TMEM232: variants seen among roughly 807,000 people sequenced by gnomAD.
The protein encoded by TMEM232 is transmembrane protein 232.
A neutral mutation model predicts 78.8 loss-of-function variants in TMEM232; 80 were observed. The ratio of observed to expected loss-of-function variants is 1.01; its 90% CI spans 0.85 to 1.22. TMEM232 has a LOEUF of 1.22. TMEM232 is among the 50% of genes most tolerant of loss of function. The pLI is 0.00. For missense variants in TMEM232, 881 were observed against 742.2 expected (o/e 1.19, Z -2.17); for synonymous variants, 297 against 254.3 (o/e 1.17, Z -1.60).
At chr5:110,650,555 C>T (rs1476285583) in intron 2 of TMEM232, among the ~76,000 whole-genome samples, 1 of 152,134 alleles carries the variant, frequency 6.6e-6, no homozygotes, top group Non-Finnish European at 1.5e-5. Context: ...AACCTCAGGT[C>T]TCTCTCACAG....
chr5:110,527,582 T>C (rs907411969), intron 12 of TMEM232, among the ~76,000 whole-genome samples: 8 of 151,894 alleles, frequency 5.3e-5, no homozygotes, highest in Non-Finnish European at 2.9e-5. Context: ...TTACATTAGG[T>C]TGTAAAAAGA....
At chr5:110,695,893 T>C (rs1017149226) in intron 1 of TMEM232, among the ~76,000 whole-genome samples, 4 of 152,158 alleles carry the variant, frequency 2.6e-5, no homozygotes, top group African/African-American at 9.7e-5. Flanking sequence ...GCTGGTACCA[T>C]TCCTTCTGAA....
chr5:110,448,643 C>T (rs184046169), intron 12 of TMEM232, among the ~76,000 whole-genome samples: 38 of 151,650 alleles, frequency 2.5e-4, no homozygotes, highest in Middle Eastern at 3.4e-3. Flanking sequence ...TTTTAAAATA[C>T]GAGAAGATGA....
intron 7 of TMEM232, among the ~76,000 whole-genome samples, chr5:110,624,361 G>A (rs1339089740): frequency 2.0e-5 from 3 of 151,860 alleles, no homozygotes; most frequent in Non-Finnish European, 2.9e-5. Flanking sequence ...GACTGATGAT[G>A]GTGATGATGA....
intron 10 of TMEM232, among the ~76,000 whole-genome samples, chr5:110,586,540 T>C (rs945072298): frequency 2.0e-5 from 3 of 151,634 alleles, no homozygotes; most frequent in East Asian, 1.9e-4. Context: ...AATATCAGCA[T>C]AGAAGGCATA....
chr5:110,703,891 T>C (rs913627216), intron 1 of TMEM232, among the ~76,000 whole-genome samples: 6 of 152,078 alleles, frequency 3.9e-5, no homozygotes, highest in African/African-American at 1.2e-4. Flanking sequence ...CTTTTCAAAT[T>C]ACTCGGCCCA....
chr5:110,635,555 A>C (rs957906284), intron 5 of TMEM232, among the ~76,000 whole-genome samples: 2 of 152,204 alleles, frequency 1.3e-5, no homozygotes, highest in East Asian at 1.9e-4. Context: ...AACATGATAA[A>C]TCACAACAGA....
At chr5:110,699,845 C>A (rs1302070182) in intron 1 of TMEM232, among the ~76,000 whole-genome samples, 1 of 151,998 alleles carries the variant, frequency 6.6e-6, no homozygotes, top group East Asian at 1.9e-4. Flanking sequence ...AAGTGGGGAA[C>A]CTTCAATAAC....
chr5:110,558,405 G>C (rs746983230), intron 11 of TMEM232, among the ~76,000 whole-genome samples: 15 of 152,120 alleles, frequency 9.9e-5, no homozygotes, highest in Non-Finnish European at 2.2e-4. Context: ...CAGAGCAGTA[G>C]GGGAAGGCTA....
intron 10 of TMEM232, among the ~76,000 whole-genome samples, chr5:110,594,107 A>C (rs1002566062): frequency 2.0e-5 from 3 of 151,908 alleles, no homozygotes; most frequent in African/African-American, 7.3e-5. Flanking sequence ...TGAAGTACCC[A>C]GTTCATCTCA....
At chr5:110,467,819 G>C (rs886150219) in intron 12 of TMEM232, among the ~76,000 whole-genome samples, 5 of 152,066 alleles carry the variant, frequency 3.3e-5, no homozygotes, top group African/African-American at 1.2e-4. Flanking sequence ...CTCCTTCTGT[G>C]AGCTATAAGA....
intron 11 of TMEM232, among the ~76,000 whole-genome samples, chr5:110,534,195 T>C (rs1437338488): frequency 6.6e-6 from 1 of 152,186 alleles, no homozygotes; most frequent in East Asian, 1.9e-4. Context: ...CTGTCAGACA[T>C]AATTCCTCAG....
At chr5:110,396,500 T>C (rs1396170384) in intron 3 of TMEM232, among the ~76,000 whole-genome samples, 3 of 152,208 alleles carry the variant, frequency 2.0e-5, no homozygotes, top group Non-Finnish European at 4.4e-5. Context: ...GATGAAGACA[T>C]GGCATAGAGA....
At position 110,420,490 on chromosome 5, in the gene TMEM232, C is replaced by A. The variant is rs1756518467; in HGVS notation, c.*90G>T. 2 of 791,060 alleles carry A rather than the reference C, an allele frequency of 2.5e-6. No homozygotes were observed. The highest frequency in any genetic ancestry group is 3.6e-6 in the Non-Finnish European group (2 of 552,920). 49.0% of individuals were successfully genotyped at this position (791,060 alleles called of 1,614,324 possible). ...ACCTCCATTTAATGACAAGAAAGTT[C>A]TCTTACTATGTAGCTATCTTGGTAT... On this transcript the variant is annotated 3_prime_UTR_variant, in exon 14 of 14. Transcript: ENST00000455884.
intron 12 of TMEM232, among the ~76,000 whole-genome samples, chr5:110,474,670 TATAA>T (rs778709253): frequency 3.9e-5 from 6 of 151,984 alleles, no homozygotes; most frequent in Non-Finnish European, 8.8e-5. Context: ...GATACCCACT[TATAA>T]ATAATTAGAC....
At chr5:110,532,329 C>T (rs967275666) in intron 11 of TMEM232, among the ~76,000 whole-genome samples, 4 of 151,610 alleles carry the variant, frequency 2.6e-5, no homozygotes, top group East Asian at 1.9e-4. Context: ...GCTGCCCGAT[C>T]GCCTCAGAAG....
At chr5:110,554,752 C>A (rs541550872) in intron 11 of TMEM232, among the ~76,000 whole-genome samples, 66 of 152,220 alleles carry the variant, frequency 4.3e-4, no homozygotes, top group African/African-American at 1.4e-3. Context: ...CTTCTTTATA[C>A]ATCTGGTATA....
chr5:110,690,658 T>C (rs914898427), intron 1 of TMEM232, among the ~76,000 whole-genome samples: 1 of 152,180 alleles, frequency 6.6e-6, no homozygotes, highest in African/African-American at 2.4e-5. Flanking sequence ...CATCCTACTA[T>C]AAACACACAT....
chr5:110,565,750 T>C (rs1394944286), intron 11 of TMEM232, among the ~76,000 whole-genome samples: 1 of 151,910 alleles, frequency 6.6e-6, no homozygotes, highest in Non-Finnish European at 1.5e-5. Flanking sequence ...TAAATGTGAG[T>C]GCACAGGTTA....
Sources: allele counts gnomAD v4.1 joint callset (sites outside exome capture counted in the v4.1 genomes callset), GRCh38; gene constraint gnomAD v4.1.1; transcripts MANE v1.5; gene names NCBI Gene and HGNC (gene_info 2026-07-23, HGNC 2026-07-21).